The following SIK2 variants were observed in gnomAD, a reference collection of about 807,000 sequenced individuals.
SIK2 encodes salt inducible kinase 2.
Under a neutral mutation model 103.2 loss-of-function variants are expected in SIK2, and 29 were observed. That is an observed-to-expected ratio of 0.28 (90% CI 0.21 to 0.38). The LOEUF is 0.38. Ranked by LOEUF, SIK2 falls within the 10% of genes least tolerant of loss-of-function variation. The pLI, the probability that SIK2 is intolerant of heterozygous loss-of-function variation, is 1.00. For missense variants in SIK2, 879 were observed against 1,171.0 expected, an observed-to-expected ratio of 0.75 and a Z score of 3.64; for synonymous variants, 412 against 446.1, an observed-to-expected ratio of 0.92 and a Z score of 0.96.
rs540140913 is a variant in SIK2, at chr11:111,614,024, G to T, written c.136-2219G>T. 6.0e-5 allele frequency among the ~76,000 whole-genome samples: 9 copies of T among 150,934 alleles called. 1 individual carries two copies. Among genetic ancestry groups the T allele is most frequent in the Admixed American group, 1.3e-4 (2 of 15,170 alleles). On this transcript the variant is annotated intron_variant, in intron 1 of 14. Coordinates refer to ENST00000304987, the MANE Select transcript of SIK2 (RefSeq NM_015191.3). ...CATTTGACCCTTGAACAAGGCAGAG[G>T]TTAGGGGAACTGACCCCCCTCGGGG...
At chr11:111,632,517 C>A (rs1942052993) in intron 3 of SIK2, among the ~76,000 whole-genome samples, 1 of 152,102 alleles carries the variant, frequency 6.6e-6, no homozygotes, top group South Asian at 2.1e-4. Flanking sequence ...TGTACATAAA[C>A]TATGTCATTT....
At chr11:111,627,978 A>C (rs953025146) in intron 3 of SIK2, among the ~76,000 whole-genome samples, 1 of 152,194 alleles carries the variant, frequency 6.6e-6, no homozygotes, top group African/African-American at 2.4e-5. Flanking sequence ...AGTACATTTT[A>C]TATAATTCCT....
chr11:111,722,828 C>G lies in SIK2; in HGVS notation c.2147+72C>G, dbSNP rs952612426. 2 of 1,389,362 alleles carry G rather than the reference C, an allele frequency of 1.4e-6. No homozygotes were observed. Among genetic ancestry groups the G allele is most frequent in the African/African-American group, 1.4e-5 (1 of 69,466 alleles). The allele number at this position is 1,389,362 out of a possible 1,614,324, so 86.1% of individuals were successfully genotyped here. A position where few individuals can be genotyped will look rare whatever the true frequency, so the allele number is the denominator to read the frequency against. ...CCTTGAGAACACTGAATGTGTTGTC[C>G]TTTTCCTCTCACATTCGCCACTACT... On this transcript the variant is annotated intron_variant, in intron 14 of 14. Coordinates refer to ENST00000304987, the MANE Select transcript of SIK2 (RefSeq NM_015191.3). The surrounding 1 kb of genome is among the most constrained non-coding windows in gnomAD (Gnocchi z 4.4).
At chr11:111,707,989 A>T (rs140070377) in intron 8 of SIK2, among the ~76,000 whole-genome samples, 1 of 152,362 alleles carries the variant, frequency 6.6e-6, no homozygotes, top group African/African-American at 2.4e-5. Context: ...AGTTAAACAA[A>T]TAGAGCACTG....
chr11:111,648,473 G>A (rs1466956628), intron 3 of SIK2, among the ~76,000 whole-genome samples: 3 of 152,046 alleles, frequency 2.0e-5, no homozygotes, highest in Non-Finnish European at 4.4e-5. Context: ...ATCCTGAACA[G>A]TGCCCTCATG....
chr11:111,714,187 T>C (rs1226276294), intron 9 of SIK2, among the ~76,000 whole-genome samples: 3 of 152,124 alleles, frequency 2.0e-5, no homozygotes, highest in Non-Finnish European at 2.9e-5. Flanking sequence ...TAGGGAAGCC[T>C]AAGTCCATCT....
chr11:111,620,907 A>C (rs2135840354), intron 3 of SIK2, among the ~76,000 whole-genome samples: 1 of 152,314 alleles, frequency 6.6e-6, no homozygotes, highest in African/African-American at 2.4e-5. Context: ...CTTTATCTCT[A>C]GTAAGAAAGT....
At position 111,724,158 on chromosome 11, in the gene SIK2, G is replaced by A. The variant is rs761962168; in HGVS notation, c.*29G>A. ...CAGCACAGGAATTGAGGTGGGTCAG[G>A]TGAAGGAAGAGTGTATGTTCCTATT... is the stretch of plus-strand genomic sequence containing the variant. On this transcript the variant is annotated 3_prime_UTR_variant, in exon 15 of 15. Coordinates refer to ENST00000304987, the MANE Select transcript of SIK2 (RefSeq NM_015191.3). 17 of 1,589,702 alleles carry A rather than the reference G, an allele frequency of 1.1e-5. No homozygotes were observed. The highest frequency in any genetic ancestry group is 3.3e-4 in the Middle Eastern group (2 of 6,014).
intron 4 of SIK2, among the ~76,000 whole-genome samples, chr11:111,693,526 C>A (rs1174842934): frequency 6.6e-6 from 1 of 152,138 alleles, no homozygotes; most frequent in Non-Finnish European, 1.5e-5. Context: ...TGTTTTGGCC[C>A]TGGCTGTTCA....
intron 9 of SIK2, among the ~76,000 whole-genome samples, chr11:111,718,233 GT>G (rs1565390839): frequency 6.6e-6 from 1 of 152,302 alleles, no homozygotes; most frequent in East Asian, 1.9e-4. Context: ...TTCTTGGCTA[GT>G]TTTAGAAAAT....
chr11:111,619,241 G>A lies in SIK2; in HGVS notation c.253-1098G>A, dbSNP rs574723366. Among the ~76,000 whole-genome samples the A allele has an allele frequency of 4.6e-5, 7 of 152,176 alleles. No individual in the cohort carries two copies. The South Asian group carries it at 8.3e-4, about 18-fold the overall frequency. On this transcript the variant is annotated intron_variant, in intron 2 of 14. Transcript: ENST00000304987. The stretch of plus-strand genomic sequence containing the variant: ...AGGTAGCTTTTAGTTTTCTGACCTC[G>A]TGGAGAATAGTCTTAAACCTACATC...
chr11:111,611,423 A>G (rs1036935281), intron 1 of SIK2, among the ~76,000 whole-genome samples: 3 of 152,170 alleles, frequency 2.0e-5, no homozygotes, highest in Non-Finnish European at 2.9e-5. Flanking sequence ...CCTACTAACT[A>G]TCTGAAACAA....
intron 1 of SIK2, among the ~76,000 whole-genome samples, chr11:111,612,669 A>G (rs914989039): frequency 2.6e-5 from 4 of 152,134 alleles, no homozygotes; most frequent in Non-Finnish European, 4.4e-5. Context: ...CTTCAGGTTA[A>G]CCTTGGAAGC....
At chr11:111,627,197 T>A (rs1331896281) in intron 3 of SIK2, among the ~76,000 whole-genome samples, 1 of 152,062 alleles carries the variant, frequency 6.6e-6, no homozygotes, top group Admixed American at 6.5e-5. Context: ...ATGGAGCCCA[T>A]GAAGATATTA....
rs71476997 is a variant in SIK2 at position 111,693,161 on chromosome 11, G to A, written c.478+4999G>A. Among the ~76,000 whole-genome samples the A allele has an allele frequency of 7.7e-3, 1,163 of 152,024 alleles. 22 individuals are homozygous for A. The highest frequency in any genetic ancestry group is 7.3e-3 in the Non-Finnish European group (497 of 67,980). ...ATCCTGGCCAACATGGTGAAACCCCGTCTCTACTAAAAATACAAAAATTAG... is the reference window on the plus strand; with the variant it reads ...ATCCTGGCCAACATGGTGAAACCCCATCTCTACTAAAAATACAAAAATTAG... On this transcript the variant is annotated intron_variant, in intron 4 of 14. Coordinates refer to ENST00000304987, the MANE Select transcript of SIK2 (RefSeq NM_015191.3).
intron 9 of SIK2, 103 bp from the exon 10 acceptor site, chr11:111,719,672 T>C: frequency 6.2e-6 from 7 of 1,132,488 alleles, no homozygotes; most frequent in Non-Finnish European, 9.0e-6. Flanking sequence ...TTAAATATTT[T>C]ACTTAATTTC....
intron 3 of SIK2, among the ~76,000 whole-genome samples, chr11:111,668,179 A>AGTGTGTGTGT (rs112931431): frequency 5.3e-5 from 8 of 151,032 alleles, no homozygotes; most frequent in African/African-American, 7.3e-5. Context: ...TAAAGTAAGG[A>AGTGTGTGTGT]GTGTGTGTGT....
chr11:111,722,744 T>C lies in SIK2; in HGVS notation c.2135T>C (p.Leu712Pro). ...KEPPRSLEQQLQEHRLQQKRL... is the reference protein window; with the variant it reads ...KEPPRSLEQQPQEHRLQQKRL... ...CCACCGCGGAGCCTTGAGCAGCAGC[T>C]GCAGGAACATAGGTGAGAAGGGGAC... Residue 712 changes from leucine (L) to proline (P), a missense_variant, in exon 14 of 15, where the codon CTG (leucine) becomes CCG (proline). This residue lies in a region of SIK2 where 375 missense variants were observed against 416.3 expected (regional missense o/e 0.90). Coordinates refer to ENST00000304987, the MANE Select transcript of SIK2 (RefSeq NM_015191.3). The surrounding 1 kb of genome is among the most constrained non-coding windows in gnomAD (Gnocchi z 4.4). 1 of 1,614,120 alleles carries C rather than the reference T, an allele frequency of 6.2e-7. No individual in the cohort carries two copies. Among genetic ancestry groups the C allele is most frequent in the Non-Finnish European group, 8.5e-7 (1 of 1,179,974 alleles).
intron 4 of SIK2, among the ~76,000 whole-genome samples, chr11:111,690,533 G>T: frequency 6.6e-6 from 1 of 152,022 alleles, no homozygotes; most frequent in East Asian, 1.9e-4. Context: ...ATGGTGGTTT[G>T]TTGCACCTAT....
Sources: allele counts gnomAD v4.1 joint callset (sites outside exome capture counted in the v4.1 genomes callset), GRCh38; gene constraint gnomAD v4.1.1; regional missense constraint gnomAD v4.1.1; non-coding constraint Gnocchi (gnomAD v3.1); transcripts MANE v1.5; gene names NCBI Gene and HGNC (gene_info 2026-07-23, HGNC 2026-07-21).